USP37: variants seen among roughly 807,000 people sequenced by gnomAD.
The protein encoded by USP37 is ubiquitin specific peptidase 37, also known as ubiquitin carboxyl-terminal hydrolase 37.
Under a neutral mutation model 124.0 loss-of-function variants are expected in USP37, and 27 were observed. That is an observed-to-expected ratio of 0.22 (90% confidence interval 0.16 to 0.30). The LOEUF is 0.30. Among genes scored for constraint, USP37 ranks in the 10% least tolerant of loss-of-function variants. USP37 has a pLI of 1.00. For missense variants in USP37, 889 were observed against 1,140.4 expected, an observed-to-expected ratio of 0.78 and a Z score of 3.17; for synonymous variants, 365 against 388.0, an observed-to-expected ratio of 0.94 and a Z score of 0.70.
In USP37 at chr2:218,522,850, T is replaced by C. The variant is rs1375498042; in HGVS notation, c.863+7106A>G. Among the ~76,000 whole-genome samples the C allele has an allele frequency of 2.6e-5, 4 of 151,984 alleles. No homozygotes were observed. The East Asian group carries it at 7.8e-4, about 30-fold the overall frequency. On this transcript the variant is annotated intron_variant, in intron 10 of 25. Transcript: ENST00000258399. Reference sequence around the variant, plus strand: ...TCCCTGAAATGCTTGGAAAGAAGAGTTTCAGGGCCGGATGCGGCAGCTCAT... The same window carrying C: ...TCCCTGAAATGCTTGGAAAGAAGAGCTTCAGGGCCGGATGCGGCAGCTCAT...
rs200130590 is a variant in USP37, at chr2:218,498,018, A to G, written c.1157+8T>C. On this transcript the variant is annotated splice_region_variant and intron_variant, in intron 12 of 25. Coordinates refer to ENST00000258399, the MANE Select transcript of USP37 (RefSeq NM_020935.3). ...GGTTACTCAGTAAGTACAGTACATA[A>G]TGATTACCTGATAAGTGCATTGAGT... 3.9e-5 allele frequency: 62 copies of G among 1,599,614 alleles called. 1 individual carries two copies. In the East Asian group the frequency reaches 1.3e-3, roughly 33 times the overall value.
At chr2:218,528,603 T>A in intron 10 of USP37, 1 of 398,492 alleles carries the variant, frequency 2.5e-6, no homozygotes, top group Non-Finnish European at 4.4e-6. Flanking sequence ...GGACATGAAC[T>A]CATCCATTTT....
intron 17 of USP37, among the ~76,000 whole-genome samples, 178 bp downstream of exon 17, chr2:218,481,892 G>A (rs1014777701): frequency 6.6e-6 from 1 of 151,950 alleles, no homozygotes; most frequent in Admixed American, 6.6e-5. Context: ...AGGCTCAAGC[G>A]ATTCTCCTGC....
intron 3 of USP37, among the ~76,000 whole-genome samples, chr2:218,559,996 CA>C (rs764742520): frequency 4.8e-5 from 7 of 144,508 alleles, no homozygotes; most frequent in Admixed American, 1.4e-4. Flanking sequence ...AACAAACAAA[CA>C]AAAAAAAAAC....
intron 10 of USP37, among the ~76,000 whole-genome samples, chr2:218,522,033 C>T (rs1208770742): frequency 5.0e-5 from 7 of 139,800 alleles, no homozygotes; most frequent in South Asian, 5.1e-4. Context: ...TGCCACCACA[C>T]GTGGCTTTTT....
At chr2:218,545,248 T>C (rs922824811) in intron 8 of USP37, among the ~76,000 whole-genome samples, 2 of 152,176 alleles carry the variant, frequency 1.3e-5, no homozygotes, top group African/African-American at 4.8e-5. Context: ...GATATAACCA[T>C]GTGATTAAGT....
intron 2 of USP37, 121 bp downstream of exon 2, chr2:218,562,552 G>A: frequency 2.5e-6 from 1 of 393,246 alleles, no homozygotes; most frequent in Non-Finnish European, 4.5e-6. Context: ...AGAGCATTCA[G>A]TGGTAAATAA....
At chr2:218,468,827 G>A (rs1201016223) in intron 20 of USP37, among the ~76,000 whole-genome samples, 3 of 152,050 alleles carry the variant, frequency 2.0e-5, no homozygotes, top group Admixed American at 1.3e-4. Flanking sequence ...CCAAGTAGCT[G>A]GGATTACAGG....
chr2:218,474,614 T>C lies in USP37; in HGVS notation c.2299+16A>G. On this transcript the variant is annotated intron_variant, in intron 20 of 25. Transcript: ENST00000258399. Reference sequence around the variant, plus strand: ...TATGTTTTGTTTCACAGAGGTTTAATCTTCATTAAACCTACCCAGCTCTGT... The same window carrying C: ...TATGTTTTGTTTCACAGAGGTTTAACCTTCATTAAACCTACCCAGCTCTGT... 1 of 1,612,242 alleles carries C rather than the reference T, an allele frequency of 6.2e-7. No individual in the cohort carries two copies. The highest frequency in any genetic ancestry group is 8.5e-7 in the Non-Finnish European group (1 of 1,179,244).
At chr2:218,463,243 GTTC>G (rs1396666038) in intron 22 of USP37, 60 bp downstream of exon 22, 23 of 1,322,342 alleles carry the variant, frequency 1.7e-5, no homozygotes, top group African/African-American at 3.0e-5. Context: ...TTCTTTATAT[GTTC>G]TTCTATGTGT....
intron 8 of USP37, among the ~76,000 whole-genome samples, chr2:218,535,275 A>G (rs1691560402): frequency 6.6e-6 from 1 of 151,772 alleles, no homozygotes; most frequent in African/African-American, 2.4e-5. Flanking sequence ...GTGAGGCAGG[A>G]GAATCACTTG....
intron 8 of USP37, among the ~76,000 whole-genome samples, chr2:218,538,938 T>G (rs534653542): frequency 6.6e-6 from 1 of 152,312 alleles, no homozygotes; most frequent in South Asian, 2.1e-4. Flanking sequence ...ATTCTGTTCA[T>G]GTCTTCCACT....
intron 19 of USP37, 71 bp downstream of exon 19, chr2:218,476,769 T>C (rs1691005096): frequency 2.7e-6 from 4 of 1,465,590 alleles, no homozygotes; most frequent in Non-Finnish European, 3.6e-6. Context: ...ATGATGGTTA[T>C]GAAAGACATT....
intron 20 of USP37, among the ~76,000 whole-genome samples, chr2:218,471,331 A>C (rs769026464): frequency 6.6e-6 from 1 of 152,224 alleles, no homozygotes; most frequent in Non-Finnish European, 1.5e-5. Flanking sequence ...TGACTTCTGT[A>C]AGTGGGCAAC....
At chr2:218,512,203 G>C (rs1354105894) in intron 10 of USP37, among the ~76,000 whole-genome samples, 1 of 152,134 alleles carries the variant, frequency 6.6e-6, no homozygotes, top group East Asian at 1.9e-4. Flanking sequence ...TCAAGACACT[G>C]TCTCTATTAT....
intron 11 of USP37, among the ~76,000 whole-genome samples, chr2:218,505,465 A>G (rs1689627976): frequency 6.6e-6 from 1 of 152,208 alleles, no homozygotes; most frequent in Non-Finnish European, 1.5e-5. Flanking sequence ...CATTTTCTGT[A>G]GAGTCCTCAG....
chr2:218,496,412 C>T (rs1016605459), intron 13 of USP37, among the ~76,000 whole-genome samples: 1 of 152,068 alleles, frequency 6.6e-6, no homozygotes, highest in Non-Finnish European at 1.5e-5. Flanking sequence ...TGAACAATGT[C>T]AGGTTTATTC....
chr2:218,455,769 T>C (rs766766203), intron 24 of USP37, 51 bp from the exon 25 acceptor site: 1 of 1,581,746 alleles, frequency 6.3e-7, no homozygotes, highest in Non-Finnish European at 8.6e-7. Flanking sequence ...ACACCGAAGC[T>C]GGGCGCGATG....
chr2:218,566,583 C>T (rs530238787), intron 1 of USP37, among the ~76,000 whole-genome samples: 2 of 152,280 alleles, frequency 1.3e-5, no homozygotes, highest in African/African-American at 4.8e-5. Flanking sequence ...TTGAGTTGAT[C>T]AGCTTATAAC....
Sources: allele counts gnomAD v4.1 joint callset (sites outside exome capture counted in the v4.1 genomes callset), GRCh38; gene constraint gnomAD v4.1.1; transcripts MANE v1.5; gene names NCBI Gene and HGNC (gene_info 2026-07-23, HGNC 2026-07-21).